CIITA: variants seen among roughly 807,000 people sequenced by gnomAD.
The protein encoded by CIITA is MHC class II transactivator.
Under a neutral mutation model 115.1 loss-of-function variants are expected in CIITA, and 72 were observed. The observed-to-expected ratio is 0.63, with a 90% confidence interval of 0.52 to 0.76. The LOEUF (loss-of-function observed/expected upper bound fraction) is 0.76. CIITA is among the 30% of genes least tolerant of loss of function. The pLI, the probability that CIITA is intolerant of heterozygous loss-of-function variation, is 0.00. For missense variants in CIITA, 1,617 were observed against 1,463.8 expected, an observed-to-expected ratio of 1.10 and a Z score of -1.71; for synonymous variants, 763 against 635.6, an observed-to-expected ratio of 1.20 and a Z score of -3.02.
At chr16:10,868,703 A>T (rs1162107339) in intron 1 of CIITA, among the ~76,000 whole-genome samples, 1 of 151,958 alleles carries the variant, frequency 6.6e-6, no homozygotes, top group Non-Finnish European at 1.5e-5. Flanking sequence ...ATGTGCCTTC[A>T]CTGCCGGACA....
intron 1 of CIITA, among the ~76,000 whole-genome samples, chr16:10,882,707 G>A (rs1015314869): frequency 1.3e-5 from 2 of 152,148 alleles, no homozygotes; most frequent in African/African-American, 4.8e-5. Flanking sequence ...AGACCAGCCT[G>A]GGCAACATGG....
rs1202210156 is a variant in CIITA, at chr16:10,931,290, G to C, written c.*7435G>C. 1 of 152,746 alleles carries C rather than the reference G, an allele frequency of 6.5e-6. No individual in the cohort carries two copies. The highest frequency in any genetic ancestry group is 1.9e-4 in the East Asian group (1 of 5,216). 9.5% of individuals were successfully genotyped at this position (152,746 alleles called of 1,614,324 possible). On this transcript the variant is annotated 3_prime_UTR_variant, in exon 20 of 20. Coordinates refer to ENST00000324288, the MANE Select transcript of CIITA (RefSeq NM_000246.4). ...CTGTGCCCCTGCACCCAGCCTGGGT[G>C]ACAGAGACCCTGTCTCAAAAAAAAG...
At chr16:10,903,477 G>A (rs2038927375) in intron 8 of CIITA, among the ~76,000 whole-genome samples, 1 of 152,180 alleles carries the variant, frequency 6.6e-6, no homozygotes, top group African/African-American at 2.4e-5. Context: ...GAGTGCAATA[G>A]TAGTACCTGC....
chr16:10,922,806 G>A, intron 18 of CIITA: 3 of 522,824 alleles, frequency 5.7e-6, no homozygotes, highest in Non-Finnish European at 1.0e-5. Flanking sequence ...ACCCATTTTT[G>A]ACCTGTAAAA....
At chr16:10,877,199 G>A, upstream of CIITA, 2 of 774,928 alleles carry the variant, frequency 2.6e-6, no homozygotes, top group Non-Finnish European at 4.5e-6. Context: ...CTGGTGACTG[G>A]TTAGTGATGA....
rs1431636055 is a variant in CIITA, at chr16:10,901,126, C to T, written c.437-388C>T. Among the ~76,000 whole-genome samples, 1 of 152,160 alleles carries T rather than the reference C, an allele frequency of 6.6e-6. No homozygotes were observed. Among genetic ancestry groups the T allele is most frequent in the African/African-American group, 2.4e-5 (1 of 41,448 alleles). The stretch of plus-strand genomic sequence containing the variant: ...CTCACTCACTGATTTCTGGCATACT[C>T]CTGCAATGTAGGAACCACCACCCCC... On this transcript the variant is annotated intron_variant, in intron 5 of 19. Transcript: ENST00000324288. This position sits in a 1 kb window ranked among gnomAD's most constrained non-coding sequence, Gnocchi z 6.8.
In CIITA at chr16:10,923,371, G is replaced by A; in HGVS notation, c.*22+46G>A. 3.4e-6 allele frequency: 5 copies of A among 1,454,522 alleles called. No homozygotes were observed. Among genetic ancestry groups the A allele is most frequent in the Non-Finnish European group, 4.8e-6 (5 of 1,037,392 alleles). 90.1% of individuals were successfully genotyped at this position (1,454,522 alleles called of 1,614,324 possible). On this transcript the variant is annotated intron_variant, in intron 19 of 19. Transcript: ENST00000324288. The surrounding 1 kb of genome is among the most constrained non-coding windows in gnomAD (Gnocchi z 5.2). Reference sequence around the variant, plus strand: ...AGGGGAGAGCCGCAGTGGGTTGGGGGCAGTGTCCTTGTGAAGGTGGCATTC... The same window carrying A: ...AGGGGAGAGCCGCAGTGGGTTGGGGACAGTGTCCTTGTGAAGGTGGCATTC...
downstream of CIITA, chr16:10,938,130 G>A (rs922905230): frequency 1.3e-5 from 2 of 152,208 alleles, no homozygotes; most frequent in Non-Finnish European, 2.9e-5. This position sits in a 1 kb window ranked among gnomAD's most constrained non-coding sequence, Gnocchi z 4.9. Context: ...TATACAAGGA[G>A]ATCTAAGTGC....
chr16:10,940,409 G>C (rs1408304384), downstream of CIITA: 1 of 152,284 alleles, frequency 6.6e-6, no homozygotes, highest in Non-Finnish European at 1.5e-5. The surrounding 1 kb of genome is among the most constrained non-coding windows in gnomAD (Gnocchi z 4.2). Context: ...GGCAAAGCCA[G>C]GTAATGCAGG....
At chr16:10,869,072 G>A (rs938843911) in intron 1 of CIITA, among the ~76,000 whole-genome samples, 3 of 152,222 alleles carry the variant, frequency 2.0e-5, no homozygotes, top group Non-Finnish European at 2.9e-5. Context: ...ATGGGGGTTC[G>A]GAAAAGGAAA....
chr16:10,866,512 G>A (rs1339600915), intron 1 of CIITA: 5 of 555,420 alleles, frequency 9.0e-6, no homozygotes, highest in Non-Finnish European at 1.8e-5. Flanking sequence ...CCTGGGGTGG[G>A]CCCGGAGTGG....
upstream of CIITA, among the ~76,000 whole-genome samples, chr16:10,874,217 C>G (rs866443716): frequency 1.3e-5 from 2 of 152,138 alleles, no homozygotes; most frequent in Non-Finnish European, 2.9e-5. Context: ...TTCCTGACCT[C>G]AGGTGATCCG....
chr16:10,942,076 C>A lies in CIITA; in HGVS notation n.1202C>A, dbSNP rs944892416. The A allele has an allele frequency of 1.6e-6, 2 of 1,271,794 alleles. No individual in the cohort carries two copies. Among genetic ancestry groups the A allele is most frequent in the South Asian group, 4.8e-5 (2 of 42,010 alleles). 78.8% of individuals were successfully genotyped at this position (1,271,794 alleles called of 1,614,324 possible). ...GCCGCTGCGGCGCCCGGGCGGCCGG[C>A]GAGGGCACAGCGCAGCCATCCAGGG... On this transcript the variant is annotated non_coding_transcript_exon_variant, in exon 2 of 2. Transcript: ENST00000573379. This position sits in a 1 kb window ranked among gnomAD's most constrained non-coding sequence, Gnocchi z 5.0.
At position 10,899,017 on chromosome 16, in the gene CIITA, C is replaced by T. The variant is rs1414204159; in HGVS notation, c.436+15C>T. 2 of 1,613,546 alleles carry T rather than the reference C, an allele frequency of 1.2e-6. No individual in the cohort carries two copies. The highest frequency in any genetic ancestry group is 2.2e-5 in the East Asian group (1 of 44,870). On this transcript the variant is annotated intron_variant, in intron 5 of 19. Transcript: ENST00000324288. ...TCAGAAAAGACGTGAGTGAGCCCCT[C>T]CCTGATCCAACCTAGCCTTGCTTGA...
chr16:10,911,884 A>G (rs758123008), intron 13 of CIITA, among the ~76,000 whole-genome samples: 4 of 151,936 alleles, frequency 2.6e-5, no homozygotes, highest in African/African-American at 9.7e-5. Flanking sequence ...CTCACCTTCC[A>G]TCTCAATTAT....
In CIITA at chr16:10,926,911, T is replaced by G. The variant is rs1351475303; in HGVS notation, c.*3056T>G. The G allele has an allele frequency of 6.6e-6, 1 of 152,234 alleles. No homozygotes were observed. Among genetic ancestry groups the G allele is most frequent in the Non-Finnish European group, 1.5e-5 (1 of 68,060 alleles). 9.4% of individuals were successfully genotyped at this position (152,234 alleles called of 1,614,324 possible). ...GCTCAGAAAGTATTAGCTCAATAAG[T>G]GATGACTGTGTGCCAGACACTGTGC... On this transcript the variant is annotated 3_prime_UTR_variant, in exon 20 of 20. Coordinates refer to ENST00000324288, the MANE Select transcript of CIITA (RefSeq NM_000246.4).
chr16:10,900,215 C>T (rs76758257), intron 5 of CIITA, among the ~76,000 whole-genome samples: 6 of 152,282 alleles, frequency 3.9e-5, no homozygotes, highest in Non-Finnish European at 7.4e-5. Context: ...AGAAATAAAG[C>T]GAGCTCCTGT....
At chr16:10,915,128 G>A (rs1460801682) in intron 13 of CIITA, 2 of 437,806 alleles carry the variant, frequency 4.6e-6, no homozygotes, top group East Asian at 1.4e-4. Context: ...ATGGCTCACT[G>A]CATCCTCCAC....
At chr16:10,893,908 C>G (rs1240092902) in intron 1 of CIITA, among the ~76,000 whole-genome samples, 2 of 148,504 alleles carry the variant, frequency 1.3e-5, no homozygotes, top group Non-Finnish European at 3.0e-5. Context: ...TCAATTTTAG[C>G]ACATTTCATC....
Sources: gnomAD v4.1 joint callset for allele counts (sites outside exome capture counted in the v4.1 genomes callset) on GRCh38, gnomAD v4.1.1 for gene constraint, Gnocchi (gnomAD v3.1) non-coding constraint, MANE v1.5 for transcripts, NCBI Gene and HGNC (gene_info 2026-07-23, HGNC 2026-07-21) for gene names.